PARVB: variants seen among roughly 807,000 people sequenced by gnomAD.
The protein encoded by PARVB is parvin beta, also known as beta-parvin.
A neutral mutation model predicts 47.0 loss-of-function variants in PARVB; 46 were observed. The observed-to-expected ratio is 0.98, with a 90% CI of 0.77 to 1.25. PARVB has a LOEUF of 1.25. Among genes scored for constraint, PARVB ranks in the 50% most tolerant of loss-of-function variants. PARVB has a pLI of 0.00. For synonymous variants in PARVB, 196 were observed against 196.3 expected (o/e 1.00, Z 0.01); for missense variants, 473 against 471.6 (o/e 1.00, Z -0.03).
chr22:44,129,304 C>A (rs1861085322), intron 4 of PARVB, among the ~76,000 whole-genome samples: 1 of 152,208 alleles, frequency 6.6e-6, no homozygotes, highest in South Asian at 2.1e-4. Context: ...TCTTGGACTT[C>A]TGGCCTCCAG....
intron 8 of PARVB, chr22:44,147,305 GT>G (rs990563482): frequency 8.4e-6 from 2 of 237,134 alleles, no homozygotes; most frequent in Non-Finnish European, 1.7e-5. Context: ...TGTGGTGGGA[GT>G]GGAGGGGGGA....
rs116198881 is a variant in PARVB, at chr22:44,054,540, G to A, written c.112+30089G>A. 8.0e-3 allele frequency among the ~76,000 whole-genome samples: 1,223 copies of A among 152,280 alleles called. 17 individuals are homozygous for A. The highest frequency in any genetic ancestry group is 0.028 in the African/African-American group (1,159 of 41,536). ...AGTTAAACTCATAGAGAGAGGAAGT[G>A]GAATGGCAGTTGCCAGGGGCAGGGG... On this transcript the variant is annotated intron_variant, in intron 1 of 12. Transcript: ENST00000338758.
At chr22:44,101,307 G>T (rs2147069427) in intron 3 of PARVB, among the ~76,000 whole-genome samples, 1 of 152,176 alleles carries the variant, frequency 6.6e-6, no homozygotes, top group Non-Finnish European at 1.5e-5. Flanking sequence ...TACTCAAAAG[G>T]CTGAGGCAGG....
intron 1 of PARVB, among the ~76,000 whole-genome samples, chr22:44,030,269 G>A (rs529460484): frequency 2.0e-5 from 3 of 152,268 alleles, no homozygotes; most frequent in Non-Finnish European, 4.4e-5. Flanking sequence ...CAGATGGGGG[G>A]ACTGAGCCAT....
intron 10 of PARVB, 122 bp downstream of exon 10, chr22:44,151,673 G>A (rs567909753): frequency 3.7e-5 from 28 of 751,588 alleles, no homozygotes; most frequent in African/African-American, 6.8e-5. Flanking sequence ...AGGAACTCCC[G>A]TGGTGCAGGC....
At chr22:44,147,619 C>G in intron 8 of PARVB, 1 of 706,822 alleles carries the variant, frequency 1.4e-6, no homozygotes, top group Non-Finnish European at 2.6e-6. Context: ...GGAAGGGACC[C>G]TCTGCAGCCT....
At chr22:44,066,948 C>G (rs1199635344) in intron 1 of PARVB, among the ~76,000 whole-genome samples, 1 of 151,974 alleles carries the variant, frequency 6.6e-6, no homozygotes, top group Non-Finnish European at 1.5e-5. Context: ...GTCATAGGCT[C>G]AAGTGATCCT....
intron 2 of PARVB, among the ~76,000 whole-genome samples, chr22:44,000,777 C>T (rs546188572): frequency 4.6e-5 from 7 of 152,278 alleles, no homozygotes; most frequent in Admixed American, 3.3e-4. Flanking sequence ...TCTGAAACCC[C>T]GTCTATGTCT....
intron 6 of PARVB, 60 bp downstream of exon 6, chr22:44,133,069 C>G: frequency 1.7e-6 from 2 of 1,199,150 alleles, no homozygotes; most frequent in Non-Finnish European, 2.4e-6. Flanking sequence ...ACATCTTCCT[C>G]CTGCAGTTTT....
chr22:44,155,448 T>C lies in PARVB; in HGVS notation c.844-2534T>C, dbSNP rs1335760065. Among the ~76,000 whole-genome samples the C allele has an allele frequency of 6.6e-6, 1 of 152,148 alleles. No homozygotes were observed. Among genetic ancestry groups the C allele is most frequent in the Non-Finnish European group, 1.5e-5 (1 of 68,014 alleles). On this transcript the variant is annotated intron_variant, in intron 10 of 12. Coordinates refer to ENST00000338758, the MANE Select transcript of PARVB (RefSeq NM_013327.5). The surrounding 1 kb of genome is among the most constrained non-coding windows in gnomAD (Gnocchi z 4.8). ...GCCCCCCAGCCCTGCCCTCTCCTTG[T>C]GGCCGTCCCTCCCTCCTTCCTGTGA...
chr22:43,999,834 GAAAAAAAAAAA>G (rs113458130), intron 2 of PARVB, among the ~76,000 whole-genome samples: 6 of 69,362 alleles, frequency 8.7e-5, no homozygotes, highest in East Asian at 4.9e-4. Context: ...CCATCTATAT[GAAAAAAAAAAA>G]AAAAAAAAAA....
intron 4 of PARVB, 82 bp from the exon 5 acceptor site, chr22:44,131,405 C>A: frequency 6.7e-7 from 1 of 1,496,332 alleles, no homozygotes; most frequent in Non-Finnish European, 9.1e-7. Flanking sequence ...GCCTCTCAAA[C>A]TGCTGGGATT....
chr22:44,139,666 G>C (rs2053511030), intron 7 of PARVB: 2 of 162,568 alleles, frequency 1.2e-5, no homozygotes, highest in Non-Finnish European at 2.7e-5. Context: ...GGCCAGGCTG[G>C]TCTCGAACTC....
intron 1 of PARVB, among the ~76,000 whole-genome samples, chr22:44,026,581 T>C (rs1268543910): frequency 6.6e-6 from 1 of 152,202 alleles, no homozygotes; most frequent in Non-Finnish European, 1.5e-5. Context: ...CGCTGGTATT[T>C]CCGCAAGCCC....
chr22:44,068,625 T>C lies in PARVB; in HGVS notation c.113-25303T>C, dbSNP rs534810462. On this transcript the variant is annotated intron_variant, in intron 1 of 12. Coordinates refer to ENST00000338758, the MANE Select transcript of PARVB (RefSeq NM_013327.5). The surrounding 1 kb of genome is among the most constrained non-coding windows in gnomAD (Gnocchi z 4.1). ...TTAGCATTTGGTCCTCCTGACGTAG[T>C]CGGCACACGGGAGATGCAGCTGGGG... 6.6e-6 allele frequency among the ~76,000 whole-genome samples: 1 copy of C among 152,332 alleles called. No individual in the cohort carries two copies. Among genetic ancestry groups the C allele is most frequent in the South Asian group, 2.1e-4 (1 of 4,830 alleles).
At chr22:44,152,735 A>G (rs1205864086) in intron 10 of PARVB, 1 of 152,238 alleles carries the variant, frequency 6.6e-6, no homozygotes, top group Non-Finnish European at 1.5e-5. Flanking sequence ...CGAGAGCATT[A>G]AAGACAAAAT....
intron 11 of PARVB, chr22:44,162,979 A>G (rs1392597187): frequency 6.6e-6 from 1 of 152,226 alleles, no homozygotes; most frequent in Non-Finnish European, 1.5e-5. Flanking sequence ...TGCAGCCACC[A>G]TCGATCTGAC....
chr22:44,079,093 C>T (rs776014204), intron 1 of PARVB, among the ~76,000 whole-genome samples: 3 of 152,196 alleles, frequency 2.0e-5, no homozygotes, highest in Non-Finnish European at 4.4e-5. Flanking sequence ...CTGATTCAGT[C>T]GTTCATGAAT....
chr22:44,027,235 C>T (rs747423757), intron 1 of PARVB, among the ~76,000 whole-genome samples: 6 of 152,034 alleles, frequency 3.9e-5, no homozygotes, highest in African/African-American at 7.2e-5. Context: ...TGGAGGAGCC[C>T]GTGTGCAGAG....
Sources: gnomAD v4.1 joint callset for allele counts (sites outside exome capture counted in the v4.1 genomes callset) on GRCh38, gnomAD v4.1.1 for gene constraint, Gnocchi (gnomAD v3.1) non-coding constraint, MANE v1.5 for transcripts, NCBI Gene and HGNC (gene_info 2026-07-23, HGNC 2026-07-21) for gene names.